The following COPS2 variants were observed in gnomAD, a reference collection of about 807,000 sequenced individuals.
COPS2 encodes the protein COP9 signalosome complex subunit 2.
In COPS2, 10 loss-of-function variants were observed where a neutral mutation model predicts 66.1. The ratio of observed to expected loss-of-function variants is 0.15; its 90% CI spans 0.09 to 0.26. The LOEUF (loss-of-function observed/expected upper bound fraction) is 0.26, where lower values mean the gene tolerates loss of function less well. COPS2 is among the 10% of genes least tolerant of loss of function. The pLI is 1.00. For synonymous variants in COPS2, 179 were observed against 171.3 expected, an observed-to-expected ratio of 1.04 and a Z score of -0.35; for missense variants, 215 against 513.3, an observed-to-expected ratio of 0.42 and a Z score of 5.62.
intron 6 of COPS2, among the ~76,000 whole-genome samples, chr15:49,135,040 T>G (rs573881857): frequency 6.6e-6 from 1 of 152,144 alleles, no homozygotes; most frequent in Non-Finnish European, 1.5e-5. Context: ...AATTTATAAA[T>G]CAGGTACAGT....
rs2084162668 is a variant in COPS2, at chr15:49,125,968, T to C, written c.*1982A>G. On this transcript the variant is annotated 3_prime_UTR_variant, in exon 13 of 13. Coordinates refer to ENST00000388901, the MANE Select transcript of COPS2 (RefSeq NM_004236.4). ...TTCAAATCTTTGAATTCTAATTCCATCAACTCAAAAGTTAAGAAGGGCTTT... is the reference window on the plus strand; with the variant it reads ...TTCAAATCTTTGAATTCTAATTCCACCAACTCAAAAGTTAAGAAGGGCTTT... 6.6e-6 allele frequency: 1 copy of C among 152,262 alleles called. No homozygotes were observed. The allele number at this position is 152,262 out of a possible 1,614,324, so 9.4% of individuals were successfully genotyped here. A position where few individuals can be genotyped will look rare whatever the true frequency, so the allele number is the denominator to read the frequency against.
intron 1 of COPS2, among the ~76,000 whole-genome samples, chr15:49,150,597 A>C (rs775594507): frequency 5.8e-4 from 88 of 152,224 alleles, no homozygotes; most frequent in Non-Finnish European, 9.3e-4. Flanking sequence ...CTATACCATA[A>C]AAAATAATGG....
intron 9 of COPS2, among the ~76,000 whole-genome samples, chr15:49,132,743 T>C (rs1044162950): frequency 2.0e-5 from 3 of 152,152 alleles, no homozygotes; most frequent in South Asian, 2.1e-4. Context: ...ATTTATTCTA[T>C]GCCTGGAGGA....
At chr15:49,145,850 C>T (rs1356522709) in intron 1 of COPS2, among the ~76,000 whole-genome samples, 1 of 151,890 alleles carries the variant, frequency 6.6e-6, no homozygotes, top group African/African-American at 2.4e-5. Flanking sequence ...ATGAGGATTA[C>T]AAAATACACA....
rs1352772692 is a variant in COPS2 at position 49,134,007 on chromosome 15, G to T, written c.817C>A (p.Arg273=). The T allele has an allele frequency of 1.2e-6, 2 of 1,613,836 alleles. No individual in the cohort carries two copies. Among genetic ancestry groups the T allele is most frequent in the Admixed American group, 3.3e-5 (2 of 59,998 alleles). ...ACCAAATATTTTAAGCAAGTGGTTC[G>T]TCTTGGACTTCCAGATTCATCATAA... ...KNYDESGSPR[R]TTCLKYLVLA... Residue 273 remains arginine (R), a synonymous_variant, in exon 8 of 13, where the codon CGA becomes AGA. Transcript: ENST00000388901.
At chr15:49,148,386 G>A (rs1166165870) in intron 1 of COPS2, among the ~76,000 whole-genome samples, 1 of 152,156 alleles carries the variant, frequency 6.6e-6, no homozygotes, top group African/African-American at 2.4e-5. Flanking sequence ...TTCTGAGTTA[G>A]AGGAAGGAAA....
chr15:49,137,874 T>C (rs749649205), intron 4 of COPS2: 17 of 159,886 alleles, frequency 1.1e-4, no homozygotes, highest in East Asian at 1.8e-4. Context: ...ACTCATTTCA[T>C]ATTAACAGCA....
intron 1 of COPS2, among the ~76,000 whole-genome samples, chr15:49,147,452 GGTA>G (rs1277000241): frequency 6.6e-5 from 10 of 152,142 alleles, no homozygotes; most frequent in African/African-American, 2.4e-4. Flanking sequence ...GAAGCTGAAA[GGTA>G]TACATGACAA....
At chr15:49,139,378 G>A in intron 4 of COPS2, 150 bp downstream of exon 4, 2 of 619,858 alleles carry the variant, frequency 3.2e-6, no homozygotes, top group Non-Finnish European at 5.6e-6. Context: ...ATATAACCAG[G>A]AAAATAGTAC....
intron 4 of COPS2, 115 bp from the exon 5 acceptor site, chr15:49,137,552 C>G (rs1393943460): frequency 8.2e-6 from 6 of 732,618 alleles, no homozygotes; most frequent in Non-Finnish European, 1.4e-5. Flanking sequence ...ATAAGATACA[C>G]TATCTGTATC....
intron 1 of COPS2, among the ~76,000 whole-genome samples, chr15:49,147,435 G>A (rs1041746158): frequency 1.3e-5 from 2 of 152,100 alleles, no homozygotes; most frequent in Non-Finnish European, 2.9e-5. Flanking sequence ...TCGAGAAGAG[G>A]AAAGTAGAAG....
intron 9 of COPS2, among the ~76,000 whole-genome samples, chr15:49,132,958 C>T (rs80250668): frequency 0.01 from 1,590 of 151,860 alleles, 35 homozygotes; most frequent in African/African-American, 0.037. Context: ...TCACCCCACA[C>T]TCCACCTCAG....
chr15:49,134,557 A>G lies in COPS2; in HGVS notation c.541-43T>C, dbSNP rs1404912120. 11 of 1,441,104 alleles carry G rather than the reference A, an allele frequency of 7.6e-6. No individual in the cohort carries two copies. The East Asian group carries it at 2.3e-4, about 30-fold the overall frequency. 89.3% of individuals were successfully genotyped at this position (1,441,104 alleles called of 1,614,324 possible). On this transcript the variant is annotated intron_variant, in intron 6 of 12. Transcript: ENST00000388901. ...TAACTTTAGACAAGATAGAATTCAG[A>G]CAGTAATTCTTATTTGCATTAGCCT...
intron 6 of COPS2, among the ~76,000 whole-genome samples, chr15:49,136,285 G>T (rs2084251057): frequency 6.6e-6 from 1 of 152,172 alleles, no homozygotes; most frequent in Non-Finnish European, 1.5e-5. Context: ...AGTATTAAAT[G>T]ATGTATTTGG....
chr15:49,155,463 C>T (rs2084420524), intron 1 of COPS2, 62 bp downstream of exon 1: 3 of 1,549,128 alleles, frequency 1.9e-6, no homozygotes, highest in Non-Finnish European at 2.7e-6. Flanking sequence ...GCGGGCGCCC[C>T]GGCCCGGACC....
At chr15:49,147,756 G>A (rs1182400203) in intron 1 of COPS2, among the ~76,000 whole-genome samples, 4 of 144,978 alleles carry the variant, frequency 2.8e-5, no homozygotes, top group African/African-American at 1.0e-4. Flanking sequence ...AAATCACAAT[G>A]ACTGAGAAAA....
chr15:49,123,154 G>A lies in COPS2; in HGVS notation c.*4796C>T, dbSNP rs1252836860. ...AACAGTAAGGGATAGGCAAACATTTGAACAGAAATTAGATACTCAACACTT... is the reference window on the plus strand; with the variant it reads ...AACAGTAAGGGATAGGCAAACATTTAAACAGAAATTAGATACTCAACACTT... On this transcript the variant is annotated 3_prime_UTR_variant, in exon 13 of 13. Coordinates refer to ENST00000388901, the MANE Select transcript of COPS2 (RefSeq NM_004236.4). 1 of 152,110 alleles carries A rather than the reference G, an allele frequency of 6.6e-6. No individual in the cohort carries two copies. Among genetic ancestry groups the A allele is most frequent in the Admixed American group, 6.5e-5 (1 of 15,268 alleles). The allele number at this position is 152,110 out of a possible 1,614,324, so 9.4% of individuals were successfully genotyped here. A position where few individuals can be genotyped will look rare whatever the true frequency, so the allele number is the denominator to read the frequency against.
intron 5 of COPS2, 42 bp from the exon 6 acceptor site, chr15:49,137,269 A>T: frequency 1.9e-6 from 3 of 1,542,386 alleles, no homozygotes; most frequent in Non-Finnish European, 2.7e-6. Flanking sequence ...TTTCAACAGA[A>T]GATGTGCATC....
intron 4 of COPS2, chr15:49,139,266 C>G (rs1003985464): frequency 9.1e-6 from 3 of 330,628 alleles, no homozygotes; most frequent in African/African-American, 6.6e-5. Context: ...GTATAGGAGT[C>G]TAACATAAGC....
Sources: allele counts gnomAD v4.1 joint callset (sites outside exome capture counted in the v4.1 genomes callset), GRCh38; gene constraint gnomAD v4.1.1; transcripts MANE v1.5; gene names NCBI Gene and HGNC (gene_info 2026-07-23, HGNC 2026-07-21).